The following IGSF11 variants were observed in gnomAD, a reference collection of about 807,000 sequenced individuals.
The protein encoded by IGSF11 is CXADR like 1.
In IGSF11, 22 loss-of-function variants were observed where a neutral mutation model predicts 41.0. The observed-to-expected ratio is 0.54, with a 90% CI of 0.38 to 0.77. The LOEUF (loss-of-function observed/expected upper bound fraction) is 0.77, where lower values mean the gene tolerates loss of function less well. Among genes scored for constraint, IGSF11 ranks in the 30% least tolerant of loss-of-function variants. The pLI, the probability that IGSF11 is intolerant of heterozygous loss-of-function variation, is 0.00. For synonymous variants in IGSF11, 219 were observed against 201.3 expected, an observed-to-expected ratio of 1.09 and a Z score of -0.74; for missense variants, 444 against 530.8, an observed-to-expected ratio of 0.84 and a Z score of 1.61.
intron 1 of IGSF11, among the ~76,000 whole-genome samples, chr3:118,985,470 G>A (rs1218558361): frequency 6.6e-6 from 1 of 152,076 alleles, no homozygotes; most frequent in Non-Finnish European, 1.5e-5. Flanking sequence ...TGTGTTTCTG[G>A]CCTTGACCTC....
intron 1 of IGSF11, among the ~76,000 whole-genome samples, chr3:118,990,005 T>C (rs1223027934): frequency 6.6e-6 from 1 of 152,078 alleles, no homozygotes; most frequent in Non-Finnish European, 1.5e-5. Flanking sequence ...CTCGGGGTCA[T>C]ACTAGTGGAT....
At chr3:119,045,350 G>A (rs1370988648) in intron 1 of IGSF11, among the ~76,000 whole-genome samples, 2 of 152,218 alleles carry the variant, frequency 1.3e-5, no homozygotes, top group Non-Finnish European at 2.9e-5. Flanking sequence ...AGGGGTCAGG[G>A]AGTTCCCTTT....
chr3:119,087,675 C>T (rs1441200294), intron 1 of IGSF11, among the ~76,000 whole-genome samples: 3 of 152,086 alleles, frequency 2.0e-5, no homozygotes, highest in Non-Finnish European at 2.9e-5. Context: ...GTACAGTGTA[C>T]ACTGCTTGGG....
chr3:119,000,671 C>CT (rs1936730635), intron 1 of IGSF11, among the ~76,000 whole-genome samples: 1 of 151,934 alleles, frequency 6.6e-6, no homozygotes, highest in Admixed American at 6.6e-5. Context: ...CTGAATTATT[C>CT]CAGTAGTGTG....
intron 1 of IGSF11, among the ~76,000 whole-genome samples, chr3:119,049,594 A>G (rs921405191): frequency 5.8e-4 from 87 of 151,128 alleles, no homozygotes; most frequent in Non-Finnish European, 9.4e-4. Context: ...TATAGATTCA[A>G]TGCCATCCCC....
intron 4 of IGSF11, among the ~76,000 whole-genome samples, chr3:118,912,713 G>C (rs1559882247): frequency 6.6e-6 from 1 of 152,138 alleles, no homozygotes; most frequent in Admixed American, 6.5e-5. Flanking sequence ...CAACAAACAG[G>C]AGGATTAGCA....
intron 1 of IGSF11, among the ~76,000 whole-genome samples, chr3:118,941,692 A>C (rs143609539): frequency 1.9e-3 from 296 of 152,344 alleles, no homozygotes; most frequent in Admixed American, 3.1e-3. Context: ...CTTTATTTGT[A>C]ATAGCCAAAA....
At chr3:118,926,677 A>T (rs1559908529) in intron 3 of IGSF11, among the ~76,000 whole-genome samples, 1 of 152,240 alleles carries the variant, frequency 6.6e-6, no homozygotes, top group Non-Finnish European at 1.5e-5. Flanking sequence ...CACTTTAACA[A>T]GGCCCTTTGT....
rs529298694 is a variant in IGSF11, at chr3:119,083,376, T to G, written c.49+21768A>C. ...CCTCGGCCTCCCAGAGTGCTGGGAT[T>G]ACAAGCATGGGCCACTGCACCTGGT... On this transcript the variant is annotated intron_variant, in intron 1 of 6. Coordinates refer to the IGSF11 transcript ENST00000354673. Among the ~76,000 whole-genome samples, 45 of 152,174 alleles carry G rather than the reference T, an allele frequency of 3.0e-4. No individual in the cohort carries two copies. The South Asian group carries it at 8.7e-3, about 29-fold the overall frequency.
chr3:119,122,900 G>A (rs1220713735), intron 1 of IGSF11, among the ~76,000 whole-genome samples: 1 of 152,174 alleles, frequency 6.6e-6, no homozygotes, highest in Non-Finnish European at 1.5e-5. Context: ...GGCTTCAGGC[G>A]AGACACAGCA....
At chr3:119,084,117 G>A (rs1377693660) in intron 1 of IGSF11, among the ~76,000 whole-genome samples, 1 of 152,030 alleles carries the variant, frequency 6.6e-6, no homozygotes, top group African/African-American at 2.4e-5. Context: ...AGAGGAGGGG[G>A]CAAGATGGAC....
At chr3:119,145,700 G>T (rs1189130563) in intron 1 of IGSF11, 2 of 156,920 alleles carry the variant, frequency 1.3e-5, no homozygotes, top group African/African-American at 4.8e-5. Flanking sequence ...ACCCAAAGGG[G>T]ATGGCAATAG....
upstream of IGSF11, among the ~76,000 whole-genome samples, chr3:119,106,193 C>T (rs368160410): frequency 2.0e-5 from 3 of 152,092 alleles, no homozygotes; most frequent in Non-Finnish European, 4.4e-5. Context: ...AAGCATTTAT[C>T]CTTTGTGTTT....
chr3:118,936,203 T>C (rs2107546945), intron 1 of IGSF11, among the ~76,000 whole-genome samples: 1 of 152,152 alleles, frequency 6.6e-6, no homozygotes, highest in African/African-American at 2.4e-5. Context: ...GAATGCTAAA[T>C]ATTAGGTTAA....
chr3:118,910,521 C>T (rs982969097), intron 4 of IGSF11, among the ~76,000 whole-genome samples: 2 of 152,188 alleles, frequency 1.3e-5, no homozygotes, highest in African/African-American at 2.4e-5. Context: ...ATTAACAAAG[C>T]CTTCCATTTA....
chr3:119,047,697 T>C (rs1291700883), intron 1 of IGSF11, among the ~76,000 whole-genome samples: 4 of 151,944 alleles, frequency 2.6e-5, no homozygotes, highest in African/African-American at 4.8e-5. Flanking sequence ...AATATACATT[T>C]TTTTCAGCAC....
chr3:119,129,976 C>G (rs1452181178), intron 1 of IGSF11, among the ~76,000 whole-genome samples: 1 of 152,048 alleles, frequency 6.6e-6, no homozygotes, highest in Non-Finnish European at 1.5e-5. Context: ...CAGACCAAGA[C>G]TCTGTCTTAA....
At chr3:118,999,072 G>A (rs1158061180) in intron 1 of IGSF11, among the ~76,000 whole-genome samples, 1 of 151,882 alleles carries the variant, frequency 6.6e-6, no homozygotes, top group Non-Finnish European at 1.5e-5. Context: ...AAATATATTA[G>A]ACTGTATATG....
chr3:119,076,946 G>A (rs554586779), intron 1 of IGSF11, among the ~76,000 whole-genome samples: 14 of 152,224 alleles, frequency 9.2e-5, no homozygotes, highest in African/African-American at 3.4e-4. Context: ...TATAAATCAG[G>A]CTGCTATAAA....
Sources: gnomAD v4.1 joint callset for allele counts (sites outside exome capture counted in the v4.1 genomes callset) on GRCh38, gnomAD v4.1.1 for gene constraint, MANE v1.5 for transcripts, NCBI Gene and HGNC (gene_info 2026-07-23, HGNC 2026-07-21) for gene names.